Variants in STPG2 observed in about 807,000 individuals in gnomAD.
The protein encoded by STPG2 is sperm-tail PG-rich repeat-containing protein 2.
STPG2 carries 56 observed loss-of-function variants against 54.2 expected under a neutral mutation model. The ratio of observed to expected loss-of-function variants is 1.03; its 90% CI spans 0.83 to 1.29. The LOEUF (loss-of-function observed/expected upper bound fraction) is 1.29. Ranked by LOEUF, STPG2 falls within the 50% of genes most tolerant of loss-of-function variation. The pLI is 0.00. For synonymous variants in STPG2, 200 were observed against 181.8 expected, an observed-to-expected ratio of 1.10 and a Z score of -0.81; for missense variants, 596 against 544.9, an observed-to-expected ratio of 1.09 and a Z score of -0.93.
intron 9 of STPG2, among the ~76,000 whole-genome samples, chr4:97,810,757 A>T (rs1727710591): frequency 6.6e-6 from 1 of 152,198 alleles, no homozygotes; most frequent in South Asian, 2.1e-4. Context: ...TAATTTGAAT[A>T]TTATGCTATT....
chr4:98,082,980 C>T (rs1738396471), intron 5 of STPG2, among the ~76,000 whole-genome samples: 1 of 152,090 alleles, frequency 6.6e-6, no homozygotes, highest in Admixed American at 6.5e-5. Flanking sequence ...CATTCTAGTG[C>T]CCTTATAGTA....
At position 97,493,051 on chromosome 4, in the gene STPG2, G is replaced by A. The variant is rs148578320; in HGVS notation, c.462+219648C>T. On this transcript the variant is annotated intron_variant, in intron 4 of 4. Coordinates refer to the STPG2 transcript ENST00000522676. ...GCCTTAAGAAGGCCTGAAAACATCCGTTTTTCAGTTCTCAGTAGTACTGAC... is the reference window on the plus strand; with the variant it reads ...GCCTTAAGAAGGCCTGAAAACATCCATTTTTCAGTTCTCAGTAGTACTGAC... Among the ~76,000 whole-genome samples the A allele has an allele frequency of 7.4e-3, 1,110 of 150,334 alleles. 11 individuals carry two copies. Among genetic ancestry groups the A allele is most frequent in the South Asian group, 0.036 (169 of 4,738 alleles).
chr4:97,861,446 A>G (rs1327763513), intron 8 of STPG2, among the ~76,000 whole-genome samples: 1 of 152,126 alleles, frequency 6.6e-6, no homozygotes. Context: ...GTTCCTAAAA[A>G]GTACTAAAAA....
intron 9 of STPG2, among the ~76,000 whole-genome samples, chr4:97,783,635 C>T (rs1726724545): frequency 6.6e-6 from 1 of 152,152 alleles, no homozygotes; most frequent in Admixed American, 6.5e-5. Context: ...TATATGTTTA[C>T]TGCGGCACTA....
intron 5 of STPG2, among the ~76,000 whole-genome samples, chr4:98,002,242 T>C (rs1300915585): frequency 6.6e-6 from 1 of 152,058 alleles, no homozygotes; most frequent in African/African-American, 2.4e-5. Flanking sequence ...AAGGGCCCAA[T>C]TACTCATATT....
intron 5 of STPG2, among the ~76,000 whole-genome samples, chr4:98,105,272 A>G (rs1739157586): frequency 6.6e-6 from 1 of 152,176 alleles, no homozygotes; most frequent in South Asian, 2.1e-4. Flanking sequence ...AAATTCGGTT[A>G]AAGTTTTCCT....
At chr4:98,078,245 C>G (rs967538799) in intron 5 of STPG2, among the ~76,000 whole-genome samples, 1 of 152,074 alleles carries the variant, frequency 6.6e-6, no homozygotes, top group African/African-American at 2.4e-5. Context: ...AAATCTGGTC[C>G]TTTGTTATCA....
chr4:97,441,887 T>C (rs1380393749), intron 4 of STPG2, among the ~76,000 whole-genome samples: 1 of 151,952 alleles, frequency 6.6e-6, no homozygotes, highest in Non-Finnish European at 1.5e-5. Context: ...AAAAAAGAAA[T>C]AGAAATCAAA....
chr4:97,825,963 G>A (rs1728246498), intron 9 of STPG2, among the ~76,000 whole-genome samples: 1 of 152,144 alleles, frequency 6.6e-6, no homozygotes, highest in Non-Finnish European at 1.5e-5. Flanking sequence ...GTCATAAACT[G>A]ATTCTTTGAC....
At chr4:97,839,239 C>G (rs1728722052) in intron 9 of STPG2, among the ~76,000 whole-genome samples, 1 of 151,528 alleles carries the variant, frequency 6.6e-6, no homozygotes, top group South Asian at 2.1e-4. Flanking sequence ...CTTTTGTATT[C>G]TCATGAGGCA....
intron 9 of STPG2, among the ~76,000 whole-genome samples, chr4:97,819,399 T>C (rs1297415885): frequency 1.3e-5 from 2 of 152,242 alleles, no homozygotes; most frequent in East Asian, 1.9e-4. Context: ...TGAGCAAAAC[T>C]ACCTTCATGA....
intron 10 of STPG2, among the ~76,000 whole-genome samples, chr4:97,647,877 G>C (rs956918953): frequency 6.6e-6 from 1 of 152,134 alleles, no homozygotes; most frequent in African/African-American, 2.4e-5. Context: ...GCAGGGGCCA[G>C]TGTGGGTCTA....
intron 8 of STPG2, among the ~76,000 whole-genome samples, chr4:97,925,368 G>T (rs947352622): frequency 6.6e-6 from 1 of 152,156 alleles, no homozygotes; most frequent in Non-Finnish European, 1.5e-5. Flanking sequence ...CTGAGCTAAT[G>T]AAGTTAGACA....
intron 5 of STPG2, among the ~76,000 whole-genome samples, chr4:98,078,326 A>G (rs1738235890): frequency 6.6e-6 from 1 of 152,152 alleles, no homozygotes; most frequent in African/African-American, 2.4e-5. Context: ...TTCCACCACT[A>G]GTTAGCAGAT....
At chr4:98,120,982 T>A (rs1244465396) in intron 3 of STPG2, among the ~76,000 whole-genome samples, 1 of 152,260 alleles carries the variant, frequency 6.6e-6, no homozygotes, top group Admixed American at 6.5e-5. Context: ...TGCCTGTGCC[T>A]ATGTTCTCAA....
chr4:98,073,492 G>A (rs182820762), intron 5 of STPG2, among the ~76,000 whole-genome samples: 1,676 of 152,242 alleles, frequency 0.011, 8 homozygotes, highest in Non-Finnish European at 0.018. Flanking sequence ...TTGGGAAGCC[G>A]AGGCAGGTGG....
chr4:97,856,648 T>C (rs1729346508), intron 8 of STPG2, among the ~76,000 whole-genome samples: 1 of 152,186 alleles, frequency 6.6e-6, no homozygotes, highest in African/African-American at 2.4e-5. Flanking sequence ...GAATATGCTT[T>C]ATTTCTTTTT....
chr4:97,774,577 C>T (rs1420240161), intron 9 of STPG2, among the ~76,000 whole-genome samples: 1 of 151,710 alleles, frequency 6.6e-6, no homozygotes, highest in Non-Finnish European at 1.5e-5. Context: ...AATCAGGGTG[C>T]CTGCTGTTGT....
At chr4:97,579,372 A>T (rs969444809) in intron 10 of STPG2, among the ~76,000 whole-genome samples, 3 of 152,000 alleles carry the variant, frequency 2.0e-5, no homozygotes, top group East Asian at 1.9e-4. Context: ...ATCTTAAAAA[A>T]TTTTCTAAGC....
Sources: gnomAD v4.1 joint callset for allele counts (sites outside exome capture counted in the v4.1 genomes callset) on GRCh38, gnomAD v4.1.1 for gene constraint, MANE v1.5 for transcripts, NCBI Gene and HGNC (gene_info 2026-07-23, HGNC 2026-07-21) for gene names.